NSD2: variants seen among roughly 807,000 people sequenced by gnomAD.
NSD2 encodes the protein histone-lysine N-methyltransferase NSD2.
In NSD2, 12 loss-of-function variants were observed where a neutral mutation model predicts 139.0. That is an observed-to-expected ratio of 0.09 (90% CI 0.06 to 0.14). The LOEUF (loss-of-function observed/expected upper bound fraction) is 0.14, where lower values mean the gene tolerates loss of function less well. Ranked by LOEUF, NSD2 falls within the 10% of genes least tolerant of loss-of-function variation. NSD2 has a pLI of 1.00. For synonymous variants in NSD2, 669 were observed against 648.7 expected (o/e 1.03, Z -0.48); for missense variants, 1,155 against 1,745.0 (o/e 0.66, Z 6.02).
Position 1,957,986 on chromosome 4 carries a change from C to A in NSD2, c.2935C>A (p.Arg979=), listed in dbSNP as rs548600548. The stretch of plus-strand genomic sequence containing the variant: ...TGAAATTAAGCTTCAGAGGGAAGCC[C>A]GAGAAACACAGGAGAGCGAGCGCAA... The part of the protein sequence containing the change: ...FREIKLQREA[R]ETQESERKPP... Residue 979 remains arginine, a synonymous_variant, in exon 16 of 22, where the codon CGA becomes AGA. Coordinates refer to ENST00000508803, the MANE Select transcript of NSD2 (RefSeq NM_001042424.3). 2.5e-5 allele frequency: 41 copies of A among 1,614,120 alleles called. No individual in the cohort carries two copies. The South Asian group carries it at 3.7e-4, about 15-fold the overall frequency.
intron 5 of NSD2, among the ~76,000 whole-genome samples, chr4:1,927,968 C>T (rs923225786): frequency 6.6e-6 from 1 of 152,048 alleles, no homozygotes; most frequent in Non-Finnish European, 1.5e-5. Context: ...TAGGTCACTG[C>T]AGCCCTGAGC....
intron 9 of NSD2, chr4:1,947,252 C>T (rs1723731216): frequency 9.4e-7 from 1 of 1,063,510 alleles, no homozygotes; most frequent in Non-Finnish European, 1.1e-6. Context: ...ATTCATTTTA[C>T]CTTTGACAAG....
chr4:1,894,148 C>T (rs189954528), intron 1 of NSD2, among the ~76,000 whole-genome samples: 35 of 151,694 alleles, frequency 2.3e-4, no homozygotes, highest in South Asian at 1.0e-3. Context: ...GTAGAGACGG[C>T]GTCTTACTAT....
chr4:1,889,622 C>T (rs1369439118), intron 1 of NSD2, among the ~76,000 whole-genome samples: 1 of 152,064 alleles, frequency 6.6e-6, no homozygotes. Context: ...CTTCCTCAGC[C>T]TCCCAGGTAA....
chr4:1,974,839 C>G lies in NSD2; in HGVS notation c.3373-24C>G. The G allele has an allele frequency of 1.2e-6, 2 of 1,612,896 alleles. No homozygotes were observed. The highest frequency in any genetic ancestry group is 1.1e-5 in the South Asian group (1 of 91,060). ...TAACATGCGATTGCTAACACTTGAC[C>G]GAATATATCACTTGACCTTACAGGA... On this transcript the variant is annotated intron_variant, in intron 18 of 21. Transcript: ENST00000508803. The surrounding 1 kb of genome is among the most constrained non-coding windows in gnomAD (Gnocchi z 4.0).
chr4:1,881,717 C>T (rs1428214419), intron 1 of NSD2, among the ~76,000 whole-genome samples: 1 of 152,186 alleles, frequency 6.6e-6, no homozygotes, highest in Non-Finnish European at 1.5e-5. Context: ...TTATTCTCTC[C>T]ACATTTATAT....
rs558336758 is a variant in NSD2 at position 1,978,919 on chromosome 4, G to A, written c.*10G>A. ...CACAGAGGGCAAATAGCGCCAGGCG[G>A]CCGCTTGGCCGGATCCAGGGGCGGT... On this transcript the variant is annotated 3_prime_UTR_variant, in exon 22 of 22. Transcript: ENST00000508803. 18 of 1,487,800 alleles carry A rather than the reference G, an allele frequency of 1.2e-5. No homozygotes were observed. In the South Asian group the frequency reaches 2.0e-4, roughly 17 times the overall value. The allele number at this position is 1,487,800 out of a possible 1,614,324, so 92.2% of individuals were successfully genotyped here.
At position 1,900,791 on chromosome 4, in the gene NSD2, T is replaced by C; in HGVS notation, c.137T>C (p.Val46Ala). 6.2e-7 allele frequency: 1 copy of C among 1,614,170 alleles called. No individual in the cohort carries two copies. Among genetic ancestry groups the C allele is most frequent in the Non-Finnish European group, 8.5e-7 (1 of 1,180,022 alleles). ...PSCEVNRECS[V>A]FLSKAQLSSS... ...TGCGAGGTGAACCGCGAGTGTTCTG[T>C]GTTCCTCAGCAAAGCCCAGCTCTCC... Residue 46 changes from valine to alanine, a missense_variant, in exon 2 of 22, where the codon GTG becomes GCG. Around this residue, in one of 8 missense-constraint regions of NSD2, gnomAD observed 246 missense variants for 262.8 expected, o/e 0.94. Transcript: ENST00000508803.
intron 5 of NSD2, among the ~76,000 whole-genome samples, chr4:1,929,713 A>G (rs1262447676): frequency 6.6e-6 from 1 of 152,160 alleles, no homozygotes; most frequent in African/African-American, 2.4e-5. Flanking sequence ...TTGAACAGAA[A>G]CAGGTGGTGG....
chr4:1,950,492 C>T (rs190232230), intron 9 of NSD2, among the ~76,000 whole-genome samples: 206 of 152,256 alleles, frequency 1.4e-3, no homozygotes, highest in African/African-American at 4.7e-3. Flanking sequence ...GAAGAGAAAC[C>T]GAACGGTCAG....
At chr4:1,901,333 C>T in intron 2 of NSD2, 82 bp downstream of exon 2, 2 of 1,255,974 alleles carry the variant, frequency 1.6e-6, no homozygotes, top group Non-Finnish European at 2.2e-6. Context: ...TGCACGAGTA[C>T]TGGGGCGGGC....
In NSD2 at chr4:1,958,398, C is replaced by T. The variant is rs1446311560; in HGVS notation, c.2985+362C>T. On this transcript the variant is annotated intron_variant, in intron 16 of 21. Transcript: ENST00000508803. The surrounding 1 kb of genome is among the most constrained non-coding windows in gnomAD (Gnocchi z 4.6). ...ATACGGCCAGGGCTCAGTGACTGAG[C>T]CCCAAACACGTAGATCCTGTACCTC... 6.6e-6 allele frequency among the ~76,000 whole-genome samples: 1 copy of T among 152,186 alleles called. No homozygotes were observed. The highest frequency in any genetic ancestry group is 2.4e-5 in the African/African-American group (1 of 41,446).
At chr4:1,933,035 A>T (rs928482263) in intron 6 of NSD2, among the ~76,000 whole-genome samples, 3 of 152,166 alleles carry the variant, frequency 2.0e-5, no homozygotes, top group African/African-American at 7.2e-5. Context: ...GCTGCCGAGC[A>T]TTCCACGGGC....
intron 7 of NSD2, among the ~76,000 whole-genome samples, chr4:1,936,095 A>G (rs563003059): frequency 1.3e-5 from 2 of 152,360 alleles, no homozygotes; most frequent in East Asian, 3.9e-4. Context: ...AAAGTGCAGC[A>G]TAGATACAAA....
chr4:1,946,516 G>A (rs1401452716), intron 9 of NSD2: 8 of 976,876 alleles, frequency 8.2e-6, no homozygotes, highest in South Asian at 4.8e-5. Context: ...TGATCCACCC[G>A]CCTCACCCTC....
At position 1,973,647 on chromosome 4, in the gene NSD2, C is replaced by T. The variant is rs963733469; in HGVS notation, c.3373-1216C>T. Among the ~76,000 whole-genome samples, 2 of 152,234 alleles carry T rather than the reference C, an allele frequency of 1.3e-5. No individual in the cohort carries two copies. The highest frequency in any genetic ancestry group is 2.4e-5 in the African/African-American group (1 of 41,464). On this transcript the variant is annotated intron_variant, in intron 18 of 21. Transcript: ENST00000508803. This position sits in a 1 kb window ranked among gnomAD's most constrained non-coding sequence, Gnocchi z 5.5. ...GTATGTAGAAAGGACACGGGGCCAG[C>T]GGTCCCAGACAGGGGCACCCTGGGA...
chr4:1,951,282 C>A (rs935555332), intron 10 of NSD2, 79 bp downstream of exon 10: 14 of 1,581,208 alleles, frequency 8.9e-6, no homozygotes, highest in African/African-American at 1.3e-5. Context: ...TTTGTAGTGT[C>A]TTTTCCCTTC....
intron 1 of NSD2, among the ~76,000 whole-genome samples, chr4:1,886,497 G>T (rs1367243275): frequency 1.3e-5 from 2 of 152,168 alleles, no homozygotes; most frequent in African/African-American, 4.8e-5. Flanking sequence ...TTGAGCCACT[G>T]TGCCTGGCCT....
intron 17 of NSD2, 48 bp from the exon 18 acceptor site, chr4:1,960,987 G>T: frequency 1.3e-6 from 2 of 1,524,026 alleles, no homozygotes; most frequent in Non-Finnish European, 1.8e-6. Context: ...CGACACTGAG[G>T]ATTGGTCAGC....
Sources: gnomAD v4.1 joint callset for allele counts (sites outside exome capture counted in the v4.1 genomes callset) on GRCh38, gnomAD v4.1.1 for gene constraint, gnomAD v4.1.1 regional missense constraint, Gnocchi (gnomAD v3.1) non-coding constraint, MANE v1.5 for transcripts, NCBI Gene and HGNC (gene_info 2026-07-23, HGNC 2026-07-21) for gene names.